ICE2: variants seen among roughly 807,000 people sequenced by gnomAD.
ICE2 encodes the protein interactor of little elongation complex ELL subunit 2.
ICE2 carries 87 observed loss-of-function variants against 105.4 expected under a neutral mutation model. The observed-to-expected ratio is 0.83, with a 90% confidence interval of 0.69 to 0.99. The LOEUF is 0.99. Ranked by LOEUF, ICE2 falls within the 50% of genes least tolerant of loss-of-function variation. ICE2 has a pLI of 0.00. For missense variants in ICE2, 1,323 were observed against 1,146.7 expected (o/e 1.15, Z -2.22); for synonymous variants, 399 against 392.0 (o/e 1.02, Z -0.21).
intron 5 of ICE2, among the ~76,000 whole-genome samples, chr15:60,460,999 T>C (rs879566511): frequency 1.1e-4 from 16 of 151,482 alleles, no homozygotes; most frequent in Non-Finnish European, 2.1e-4. Context: ...CACATGCATT[T>C]AGTATGTTTA....
intron 3 of ICE2, among the ~76,000 whole-genome samples, chr15:60,475,442 A>G (rs2064732204): frequency 6.6e-6 from 1 of 152,162 alleles, no homozygotes; most frequent in Non-Finnish European, 1.5e-5. Flanking sequence ...ATTCACCAAT[A>G]TATTGTTTTT....
At position 60,449,841 on chromosome 15, in the gene ICE2, T is replaced by A. The variant is rs753454520; in HGVS notation, c.1126A>T (p.Met376Leu). The A allele has an allele frequency of 1.2e-6, 2 of 1,603,220 alleles. No individual in the cohort carries two copies. Among genetic ancestry groups the A allele is most frequent in the Non-Finnish European group, 1.7e-6 (2 of 1,175,652 alleles). The change falls in exon 10 of 16, where the codon ATG (methionine) becomes TTG (leucine). Residue 376 changes from methionine (M) to leucine (L), a missense_variant and splice_region_variant. Transcript: ENST00000261520. ...KPEEFISEMD[M>L]SCEVNECRKI... ...CGGCACTCGTTGACTTCACAGGACA[T>A]CTTATGTAAATAAATTGGTAAAGTA...
In ICE2 at chr15:60,470,662, T is replaced by C. The variant is rs1229971213; in HGVS notation, c.147-2340A>G. Among the ~76,000 whole-genome samples, 4 of 152,228 alleles carry C rather than the reference T, an allele frequency of 2.6e-5. No individual in the cohort carries two copies. In the East Asian group the frequency reaches 7.7e-4, roughly 29 times the overall value. ...TTTTATTTTTCCTATGATTATTTTA[T>C]GGTATGCTTTATTTTCTCTTAAATA... is the stretch of plus-strand genomic sequence containing the variant. On this transcript the variant is annotated intron_variant, in intron 3 of 15. Transcript: ENST00000261520.
chr15:60,456,600 CA>C, intron 6 of ICE2, 56 bp downstream of exon 6: 1 of 688,906 alleles, frequency 1.5e-6, no homozygotes, highest in Non-Finnish European at 2.3e-6. Context: ...CACACACACA[CA>C]CACACACACT....
At chr15:60,450,795 C>G (rs879436484) in intron 9 of ICE2, among the ~76,000 whole-genome samples, 1 of 152,164 alleles carries the variant, frequency 6.6e-6, no homozygotes, top group Non-Finnish European at 1.5e-5. Flanking sequence ...TATAGAAAAT[C>G]TCTTGGCATA....
Position 60,456,511 on chromosome 15 carries a change from G to A in ICE2, c.666+146C>T, listed in dbSNP as rs552641680. 11 of 151,070 alleles carry A rather than the reference G, an allele frequency of 7.3e-5. No homozygotes were observed. In the South Asian group the frequency reaches 1.4e-3, roughly 20 times the overall value. The allele number at this position is 151,070 out of a possible 1,614,324, so 9.4% of individuals were successfully genotyped here. A position where few individuals can be genotyped will look rare whatever the true frequency, so the allele number is the denominator to read the frequency against. On this transcript the variant is annotated intron_variant, in intron 6 of 15. Coordinates refer to ENST00000261520, the MANE Select transcript of ICE2 (RefSeq NM_024611.6). ...GTGAGCCGAGATCATGCCATTACAC[G>A]CCAGGCGACGAGAGAGAGACTCTGT...
intron 3 of ICE2, among the ~76,000 whole-genome samples, chr15:60,474,213 A>C (rs1250881190): frequency 6.6e-6 from 1 of 152,012 alleles, no homozygotes; most frequent in Non-Finnish European, 1.5e-5. Flanking sequence ...TTGTCTCTTT[A>C]ATACAACTTC....
At chr15:60,455,472 C>T (rs2064081924) in intron 6 of ICE2, 30 bp from the exon 7 acceptor site, 3 of 1,381,970 alleles carry the variant, frequency 2.2e-6, no homozygotes, top group Non-Finnish European at 2.0e-6. Context: ...CATTTTATTG[C>T]AAAAATCGCA....
chr15:60,452,469 G>A, intron 9 of ICE2: 1 of 170,412 alleles, frequency 5.9e-6, no homozygotes, highest in Non-Finnish European at 1.2e-5. Flanking sequence ...TTTCTCCATA[G>A]CATTTACCAC....
At chr15:60,436,643 A>G (rs1262426470) in intron 12 of ICE2, among the ~76,000 whole-genome samples, 1 of 142,310 alleles carries the variant, frequency 7.0e-6, no homozygotes, top group Non-Finnish European at 1.5e-5. Flanking sequence ...TTAACCCGGG[A>G]GGCAGAGCTT....
chr15:60,471,919 T>TTCAA (rs1277369621), intron 3 of ICE2, among the ~76,000 whole-genome samples: 2 of 152,142 alleles, frequency 1.3e-5, no homozygotes, highest in Non-Finnish European at 2.9e-5. Context: ...AGTCTACTAG[T>TTCAA]ATCTTCTGAG....
intron 5 of ICE2, among the ~76,000 whole-genome samples, chr15:60,460,089 A>G (rs771159711): frequency 1.3e-5 from 2 of 152,230 alleles, no homozygotes; most frequent in Non-Finnish European, 2.9e-5. Context: ...CAAAATTTAC[A>G]TAAGAATGTA....
chr15:60,465,750 C>A (rs1308203066), intron 5 of ICE2, among the ~76,000 whole-genome samples: 2 of 127,022 alleles, frequency 1.6e-5, no homozygotes, highest in Non-Finnish European at 1.7e-5. Flanking sequence ...ATACTTTATT[C>A]TTTTTTTTTT....
intron 5 of ICE2, among the ~76,000 whole-genome samples, chr15:60,462,981 C>T (rs977212711): frequency 1.3e-5 from 2 of 152,134 alleles, no homozygotes; most frequent in South Asian, 2.1e-4. Flanking sequence ...TGGTGCCAAA[C>T]CATTGCAATT....
chr15:60,433,451 C>G (rs557717012), intron 13 of ICE2, among the ~76,000 whole-genome samples: 1 of 151,898 alleles, frequency 6.6e-6, no homozygotes, highest in African/African-American at 2.4e-5. Flanking sequence ...GTCCATCCTT[C>G]CTTTCTTCCT....
chr15:60,447,141 C>A (rs1415786886), intron 11 of ICE2, among the ~76,000 whole-genome samples: 1 of 151,744 alleles, frequency 6.6e-6, no homozygotes, highest in Non-Finnish European at 1.5e-5. Flanking sequence ...CCAAAAGAAA[C>A]AACAGGGGAA....
At chr15:60,472,931 G>A (rs972984649) in intron 3 of ICE2, among the ~76,000 whole-genome samples, 28 of 151,130 alleles carry the variant, frequency 1.9e-4, no homozygotes, top group African/African-American at 6.8e-4. Context: ...TTGTTTTTTT[G>A]TTTTTTTTTA....
intron 5 of ICE2, among the ~76,000 whole-genome samples, chr15:60,457,591 C>A (rs550190848): frequency 6.6e-6 from 1 of 152,290 alleles, no homozygotes; most frequent in South Asian, 2.1e-4. Context: ...TCCCCTCTCC[C>A]TTCACATATT....
intron 15 of ICE2, among the ~76,000 whole-genome samples, chr15:60,428,021 T>C (rs79992062): frequency 0.027 from 4,115 of 152,344 alleles, 77 homozygotes; most frequent in Non-Finnish European, 0.04. Flanking sequence ...TAACAATGTT[T>C]AATTATATCA....
Sources: allele counts gnomAD v4.1 joint callset (sites outside exome capture counted in the v4.1 genomes callset), GRCh38; gene constraint gnomAD v4.1.1; transcripts MANE v1.5; gene names NCBI Gene and HGNC (gene_info 2026-07-23, HGNC 2026-07-21).